Variants in CEACAM1 observed in about 807,000 individuals in gnomAD.
CEACAM1 encodes cell adhesion molecule CEACAM1.
In CEACAM1, 31 loss-of-function variants were observed where a neutral mutation model predicts 49.1. The observed-to-expected ratio is 0.63, with a 90% confidence interval of 0.47 to 0.85. The LOEUF is 0.85. Among genes scored for constraint, CEACAM1 ranks in the 40% least tolerant of loss-of-function variants. The pLI, the probability that CEACAM1 is intolerant of heterozygous loss-of-function variation, is 0.00. For missense variants in CEACAM1, 570 were observed against 645.3 expected (o/e 0.88, Z 1.26); for synonymous variants, 244 against 247.8 (o/e 0.98, Z 0.14).
intron 5 of CEACAM1, among the ~76,000 whole-genome samples, chr19:42,518,289 C>A (rs993801158): frequency 6.6e-6 from 1 of 152,050 alleles, no homozygotes; most frequent in Non-Finnish European, 1.5e-5. Flanking sequence ...GTGGTGCAAC[C>A]TGTAGTCCCA....
chr19:42,512,381 C>G lies in CEACAM1; in HGVS notation c.1345G>C (p.Ala449Pro). 1 of 1,614,128 alleles carries G rather than the reference C, an allele frequency of 6.2e-7. No homozygotes were observed. Among genetic ancestry groups the G allele is most frequent in the Admixed American group, 1.7e-5 (1 of 60,016 alleles). Residue 449 changes from alanine (A) to proline (P), a missense_variant, in exon 6 of 9, where the codon GCA becomes CCA. Coordinates refer to ENST00000161559, the MANE Select transcript of CEACAM1 (RefSeq NM_001712.5). ...GTCTTCCCGAAATGCAGAAAACATG[C>G]CAGGGCTACTGCTATCAGAGCAACC... ...ALVALIAVAL[A>P]CFLHFGKTGR...
At chr19:42,510,017 A>G (rs916477925) in intron 8 of CEACAM1, among the ~76,000 whole-genome samples, 16 of 152,314 alleles carry the variant, frequency 1.1e-4, no homozygotes, top group African/African-American at 3.8e-4. Flanking sequence ...AAGTTCATAC[A>G]TTGTGAAAGT....
chr19:42,516,178 G>A (rs928879337), intron 5 of CEACAM1, among the ~76,000 whole-genome samples: 4 of 151,624 alleles, frequency 2.6e-5, no homozygotes, highest in Admixed American at 1.3e-4. Flanking sequence ...GACCTAGACA[G>A]AACAATTAGG....
At chr19:42,511,312 G>A (rs577235196) in intron 7 of CEACAM1, 20 of 585,394 alleles carry the variant, frequency 3.4e-5, no homozygotes, top group African/African-American at 3.3e-4. Context: ...GAGTAAGGCT[G>A]AGGAAATGGC....
At chr19:42,522,242 C>T in intron 2 of CEACAM1, 40 bp from the exon 3 acceptor site, 2 of 1,607,982 alleles carry the variant, frequency 1.2e-6, no homozygotes, top group East Asian at 2.2e-5. Context: ...TGTGTGGCAC[C>T]TTTGATTCCT....
At chr19:42,511,724 G>T in intron 6 of CEACAM1, 96 bp from the exon 7 acceptor site, 1 of 1,140,724 alleles carries the variant, frequency 8.8e-7, no homozygotes, top group Non-Finnish European at 1.3e-6. Context: ...ATTCCTTAGA[G>T]TCCTTGATGT....
At position 42,521,965 on chromosome 19, in the gene CEACAM1, A is replaced by G. The variant is rs778685577; in HGVS notation, c.662T>C (p.Val221Ala). The G allele has an allele frequency of 6.8e-6, 11 of 1,614,160 alleles. No homozygotes were observed. Among genetic ancestry groups the G allele is most frequent in the East Asian group, 2.2e-5 (1 of 44,892 alleles). The change falls in exon 3 of 9, where the codon GTG becomes GCG. Residue 221 changes from valine (V) to alanine (A), a missense_variant. Coordinates refer to ENST00000161559, the MANE Select transcript of CEACAM1 (RefSeq NM_001712.5). ...GACTGGGTCACTGCGGTTCGCACTC[A>G]CTGGGTTCTGTATTTCACACTCATA... The part of the protein sequence containing the change: ...GPYECEIQNP[V>A]SANRSDPVTL...
At position 42,518,993 on chromosome 19, in the gene CEACAM1, G is replaced by C; in HGVS notation, c.1201C>G (p.Pro401Ala). The change falls in exon 5 of 9, where the codon CCA (proline) becomes GCA (alanine). Residue 401 changes from proline to alanine, a missense_variant. Pro to Ala is a conservative substitution (Grantham distance 27, BLOSUM62 -1). Coordinates refer to ENST00000161559, the MANE Select transcript of CEACAM1 (RefSeq NM_001712.5). Reference protein sequence around the residue: ...AGTYWCEVFNPISKNQSDPIM... With the variant: ...AGTYWCEVFNAISKNQSDPIM... The stretch of plus-strand genomic sequence containing the variant: ...GGGTCGCTTTGGTTCTTACTGATTG[G>C]GTTGAAGACCTCACACCAATACGTC... 6.2e-7 allele frequency: 1 copy of C among 1,614,080 alleles called. No homozygotes were observed. Among genetic ancestry groups the C allele is most frequent in the Non-Finnish European group, 8.5e-7 (1 of 1,180,028 alleles).
chr19:42,518,182 T>A (rs2041645460), intron 5 of CEACAM1, among the ~76,000 whole-genome samples: 1 of 152,106 alleles, frequency 6.6e-6, no homozygotes, highest in African/African-American at 2.4e-5. Context: ...CCCAGCACTT[T>A]GGGAGGCCGA....
At position 42,512,491 on chromosome 19, in the gene CEACAM1, A is replaced by G. The variant is rs1285905874; in HGVS notation, c.1247-12T>C. On this transcript the variant is annotated splice_polypyrimidine_tract_variant and intron_variant, in intron 5 of 8. Coordinates refer to ENST00000161559, the MANE Select transcript of CEACAM1 (RefSeq NM_001712.5). ...TGGTAGAGCATTATCTGTCATGGAG[A>G]GAAAAGAGGAGAAGAAATGAAAGTG... 1.2e-6 allele frequency: 2 copies of G among 1,610,410 alleles called. No homozygotes were observed. Among genetic ancestry groups the G allele is most frequent in the African/African-American group, 2.7e-5 (2 of 74,840 alleles).
At chr19:42,524,364 A>G (rs556483641) in intron 2 of CEACAM1, among the ~76,000 whole-genome samples, 2 of 152,340 alleles carry the variant, frequency 1.3e-5, no homozygotes, top group African/African-American at 4.8e-5. Context: ...GTTAGGAGTC[A>G]AATGGGTGAA....
In CEACAM1 at chr19:42,508,945, A is replaced by G; in HGVS notation, c.*164T>C. On this transcript the variant is annotated 3_prime_UTR_variant, in exon 9 of 9. Coordinates refer to ENST00000161559, the MANE Select transcript of CEACAM1 (RefSeq NM_001712.5). ...TACTTTCATCTATTGACACTGAGAG[A>G]GGGGCAGTGACCAGGCAGCCTGGAG... 3.0e-6 allele frequency: 2 copies of G among 662,906 alleles called. No homozygotes were observed. The highest frequency in any genetic ancestry group is 3.9e-5 in the South Asian group (2 of 51,840). 41.1% of individuals were successfully genotyped at this position (662,906 alleles called of 1,614,324 possible).
intron 5 of CEACAM1, chr19:42,518,496 C>A (rs1600226215): frequency 7.4e-6 from 1 of 135,994 alleles, no homozygotes; most frequent in African/African-American, 2.9e-5. Flanking sequence ...AGCCTGAGCT[C>A]TTTTTTTTTT....
chr19:42,514,174 T>C (rs8109086), intron 5 of CEACAM1, among the ~76,000 whole-genome samples: 14,677 of 149,184 alleles, frequency 0.098, 2,483 homozygotes, highest in African/African-American at 0.34. Flanking sequence ...TCTTGTTGCC[T>C]AGGCTAGAGT....
rs1568668302 is a variant in CEACAM1 at position 42,527,404 on chromosome 19, G to A, written c.65-4C>T. The A allele has an allele frequency of 1.3e-6, 2 of 1,580,476 alleles. No individual in the cohort carries two copies. Among genetic ancestry groups the A allele is most frequent in the Non-Finnish European group, 1.7e-6 (2 of 1,163,940 alleles). ...TTCCAGAAGGTTAGAAGTGAGGCTA[G>A]GAGAGAGGAGAGAGCATCAGTCAAT... On this transcript the variant is annotated splice_region_variant and splice_polypyrimidine_tract_variant and intron_variant, in intron 1 of 8. Transcript: ENST00000161559.
chr19:42,514,995 G>T (rs1273033113), intron 5 of CEACAM1: 2 of 663,810 alleles, frequency 3.0e-6, no homozygotes. Flanking sequence ...ATGGGGCCAG[G>T]CGTGGTGGCT....
At chr19:42,518,645 C>G (rs2041660840) in intron 5 of CEACAM1, 2 of 325,050 alleles carry the variant, frequency 6.2e-6, no homozygotes, top group African/African-American at 2.2e-5. Flanking sequence ...CTACAGGCGC[C>G]CGCCACCATG....
chr19:42,522,436 G>C (rs2041777610), intron 2 of CEACAM1, among the ~76,000 whole-genome samples: 1 of 151,914 alleles, frequency 6.6e-6, no homozygotes, highest in Admixed American at 6.6e-5. Context: ...CACCATGCCT[G>C]ACGGGGTTTC....
Position 42,526,894 on chromosome 19 carries a change from C to T in CEACAM1, c.424+147G>A, listed in dbSNP as rs2041905073. 3.1e-6 allele frequency: 4 copies of T among 1,306,868 alleles called. No individual in the cohort carries two copies. In the East Asian group the frequency reaches 6.9e-5, roughly 23 times the overall value. The allele number at this position is 1,306,868 out of a possible 1,614,324, so 81.0% of individuals were successfully genotyped here. On this transcript the variant is annotated intron_variant, in intron 2 of 8. Transcript: ENST00000161559. Reference sequence around the variant, plus strand: ...AGACATTCGGTATTTTGATGTCTGTCCCATAGTGTGTCCTGCACTAGATGC... The same window carrying T: ...AGACATTCGGTATTTTGATGTCTGTTCCATAGTGTGTCCTGCACTAGATGC...
Sources: allele counts gnomAD v4.1 joint callset (sites outside exome capture counted in the v4.1 genomes callset), GRCh38; gene constraint gnomAD v4.1.1; transcripts MANE v1.5; gene names NCBI Gene and HGNC (gene_info 2026-07-23, HGNC 2026-07-21).